The following MYO18B variants were observed in gnomAD, a reference collection of about 807,000 sequenced individuals.
MYO18B encodes myosin XVIIIB.
MYO18B carries 204 observed loss-of-function variants against 273.0 expected under a neutral mutation model. The ratio of observed to expected loss-of-function variants is 0.75; its 90% CI spans 0.67 to 0.84. The LOEUF is 0.84. Ranked by LOEUF, MYO18B falls within the 40% of genes least tolerant of loss-of-function variation. MYO18B has a pLI of 0.00. For synonymous variants in MYO18B, 1,330 were observed against 1,305.7 expected (o/e 1.02, Z -0.40); for missense variants, 3,212 against 3,287.6 (o/e 0.98, Z 0.56).
In MYO18B at chr22:25,977,315, T is replaced by G. The variant is rs543086086; in HGVS notation, c.6157-15048T>G. Among the ~76,000 whole-genome samples, 27 of 151,930 alleles carry G rather than the reference T, an allele frequency of 1.8e-4. No individual in the cohort carries two copies. In the South Asian group the frequency reaches 5.6e-3, roughly 32 times the overall value. On this transcript the variant is annotated intron_variant, in intron 39 of 43. Coordinates refer to ENST00000335473, the MANE Select transcript of MYO18B (RefSeq NM_032608.7). The stretch of plus-strand genomic sequence containing the variant: ...TTTGTATTTGTATTTGTATTTGTAT[T>G]TGTATTTGTATTTGTATTTGTATTT...
chr22:25,949,449 G>A (rs1464098292), intron 36 of MYO18B, among the ~76,000 whole-genome samples: 2 of 152,274 alleles, frequency 1.3e-5, no homozygotes, highest in East Asian at 3.9e-4. Context: ...GTATGATGTG[G>A]AATCCCCAGC....
At chr22:25,851,684 T>C in intron 21 of MYO18B, 105 bp downstream of exon 21, 1 of 841,404 alleles carries the variant, frequency 1.2e-6, no homozygotes, top group Non-Finnish European at 1.9e-6. Context: ...GCCTGTAATC[T>C]CAGTGCTTTG....
chr22:25,926,124 G>A (rs2092417608), intron 34 of MYO18B, among the ~76,000 whole-genome samples: 1 of 151,920 alleles, frequency 6.6e-6, no homozygotes, highest in African/African-American at 2.4e-5. Context: ...AGAATGGCAT[G>A]AACCTAGGAG....
At chr22:25,866,469 C>T (rs2090888951) in intron 21 of MYO18B, among the ~76,000 whole-genome samples, 1 of 152,172 alleles carries the variant, frequency 6.6e-6, no homozygotes. Context: ...GGCTGCTTTT[C>T]CTCCCTATGG....
In MYO18B at chr22:25,955,285, G is replaced by T; in HGVS notation, c.6077G>T (p.Arg2026Leu). The change falls in exon 39 of 44, where the codon CGG becomes CTG. Residue 2026 changes from arginine to leucine, a missense_variant. Physicochemically the swap from Arg to Leu is moderately radical, Grantham distance 102. Coordinates refer to ENST00000335473, the MANE Select transcript of MYO18B (RefSeq NM_032608.7). ...QQRESSQYYQ[R>L]RLEELKADME... Reference sequence around the variant, plus strand: ...CGGGAGAGCAGCCAGTACTACCAGCGGCGCCTGGAAGAGCTGAAGGCCGAC... The same window carrying T: ...CGGGAGAGCAGCCAGTACTACCAGCTGCGCCTGGAAGAGCTGAAGGCCGAC... 6.2e-7 allele frequency: 1 copy of T among 1,613,834 alleles called. No homozygotes were observed. Among genetic ancestry groups the T allele is most frequent in the South Asian group, 1.1e-5 (1 of 91,038 alleles).
the MYO18B span, among the ~76,000 whole-genome samples, chr22:26,050,621 C>G: frequency 1.2e-4 from 19 of 152,096 alleles, no homozygotes; most frequent in Non-Finnish European, 2.8e-4. Context: ...ATATGGAAGT[C>G]AGAAGGACAA....
At chr22:25,919,678 A>ATG (rs35856330) in intron 33 of MYO18B, among the ~76,000 whole-genome samples, 10,511 of 148,016 alleles carry the variant, frequency 0.071, 353 homozygotes, top group Middle Eastern at 0.11. Context: ...GTGTGTGTGT[A>ATG]TGTGTGTGTG....
chr22:25,762,650 G>C (rs1448986523), intron 2 of MYO18B, among the ~76,000 whole-genome samples: 1 of 152,250 alleles, frequency 6.6e-6, no homozygotes, highest in Non-Finnish European at 1.5e-5. Flanking sequence ...ACCAAGTCCT[G>C]GTTTAAGGAC....
chr22:25,793,346 T>A (rs1342076569), intron 11 of MYO18B, among the ~76,000 whole-genome samples: 1 of 152,222 alleles, frequency 6.6e-6, no homozygotes, highest in Non-Finnish European at 1.5e-5. Context: ...GTAATTCTCC[T>A]GGCTCAGCCT....
intron 39 of MYO18B, 31 bp downstream of exon 39, chr22:25,955,395 C>T (rs745472292): frequency 7.6e-6 from 12 of 1,580,878 alleles, no homozygotes; most frequent in South Asian, 2.3e-5. Flanking sequence ...GGGCTCTTAG[C>T]GACTGAGGGT....
chr22:25,775,262 A>G (rs1601656153), intron 7 of MYO18B, among the ~76,000 whole-genome samples: 1 of 152,206 alleles, frequency 6.6e-6, no homozygotes, highest in African/African-American at 2.4e-5. Flanking sequence ...TACATCTGGC[A>G]TCAGGATAGG....
chr22:25,878,005 T>C lies in MYO18B; in HGVS notation c.4271T>C (p.Leu1424Ser), dbSNP rs1265181622. The change falls in exon 25 of 44, where the codon TTG becomes TCG. Residue 1424 changes from leucine to serine, a missense_variant. Coordinates refer to ENST00000335473, the MANE Select transcript of MYO18B (RefSeq NM_032608.7). ...LRRKLEKSEK[L>S]RNELRQNTDL... ...CGGAAGCTAGAAAAATCAGAGAAGTTGCGGAATGAACTCCGGCAGAACACA... is the reference window on the plus strand; with the variant it reads ...CGGAAGCTAGAAAAATCAGAGAAGTCGCGGAATGAACTCCGGCAGAACACA... 6.3e-7 allele frequency: 1 copy of C among 1,585,186 alleles called. No individual in the cohort carries two copies. The highest frequency in any genetic ancestry group is 8.6e-7 in the Non-Finnish European group (1 of 1,165,342).
intron 34 of MYO18B, among the ~76,000 whole-genome samples, chr22:25,936,090 G>A (rs146510450): frequency 1.3e-5 from 2 of 152,374 alleles, no homozygotes; most frequent in Non-Finnish European, 2.9e-5. Context: ...GGAGACAGAC[G>A]TGGAGGCACA....
chr22:26,061,093 C>T, the MYO18B span, among the ~76,000 whole-genome samples: 19 of 145,898 alleles, frequency 1.3e-4, no homozygotes, highest in Non-Finnish European at 2.4e-4. Context: ...TGGCTTGGCC[C>T]CCTGTAGTGC....
chr22:25,753,964 A>G (rs940240842), intron 1 of MYO18B, among the ~76,000 whole-genome samples: 6 of 152,160 alleles, frequency 3.9e-5, no homozygotes, highest in African/African-American at 1.4e-4. Context: ...TTTTGGAACT[A>G]TTGGCTTTTA....
intron 39 of MYO18B, among the ~76,000 whole-genome samples, chr22:25,956,970 G>A (rs1569235461): frequency 6.6e-6 from 1 of 152,142 alleles, no homozygotes; most frequent in Non-Finnish European, 1.5e-5. Context: ...GTAAGGCACC[G>A]CACAGAGACA....
At chr22:25,980,893 G>A (rs2093142277) in intron 39 of MYO18B, among the ~76,000 whole-genome samples, 1 of 152,172 alleles carries the variant, frequency 6.6e-6, no homozygotes, top group African/African-American at 2.4e-5. Context: ...GTGTCAGCAG[G>A]ACCATGCTCT....
At chr22:25,775,044 C>G (rs2086864922) in intron 7 of MYO18B, among the ~76,000 whole-genome samples, 1 of 152,228 alleles carries the variant, frequency 6.6e-6, no homozygotes, top group African/African-American at 2.4e-5. Context: ...CCTGGATGTG[C>G]AGAATTCTTC....
At chr22:25,936,652 A>G (rs1269518679) in intron 34 of MYO18B, among the ~76,000 whole-genome samples, 3 of 152,178 alleles carry the variant, frequency 2.0e-5, no homozygotes, top group Non-Finnish European at 4.4e-5. Context: ...ACCGTAAATT[A>G]AACTAGGTAG....
Sources: gnomAD v4.1 joint callset for allele counts (sites outside exome capture counted in the v4.1 genomes callset) on GRCh38, gnomAD v4.1.1 for gene constraint, MANE v1.5 for transcripts, NCBI Gene and HGNC (gene_info 2026-07-23, HGNC 2026-07-21) for gene names.